ZC2HC1B: variants seen among roughly 807,000 people sequenced by gnomAD.
ZC2HC1B encodes zinc finger C2HC domain-containing protein 1B.
ZC2HC1B carries 36 observed loss-of-function variants against 31.0 expected under a neutral mutation model. That is an observed-to-expected ratio of 1.16 (90% CI 0.89 to 1.54). The LOEUF is 1.54. Among genes scored for constraint, ZC2HC1B ranks in the 40% most tolerant of loss-of-function variants. ZC2HC1B has a pLI of 0.00. For synonymous variants in ZC2HC1B, 73 were observed against 88.0 expected (o/e 0.83, Z 0.95); for missense variants, 260 against 268.6 (o/e 0.97, Z 0.22).
At chr6:143,904,167 G>T (rs2128495346) in intron 6 of ZC2HC1B, among the ~76,000 whole-genome samples, 1 of 152,192 alleles carries the variant, frequency 6.6e-6, no homozygotes, top group South Asian at 2.1e-4. Context: ...CAAGTCCTTT[G>T]CCCATTTTTG....
chr6:143,925,165 CTTTTTTTTTTTTTTTTT>C (rs71024879), intron 6 of ZC2HC1B, among the ~76,000 whole-genome samples: 1 of 104,190 alleles, frequency 9.6e-6, no homozygotes, highest in African/African-American at 4.0e-5. Context: ...AATCTCATTC[CTTTTTTTTTTTTTTTTT>C]TTTTTTTTTT....
In ZC2HC1B at chr6:143,908,250, A is replaced by T. The variant is rs1158406001; in HGVS notation, c.598+5098A>T. On this transcript the variant is annotated intron_variant, in intron 6 of 7. Transcript: ENST00000237275. This position sits in a 1 kb window ranked among gnomAD's most constrained non-coding sequence, Gnocchi z 4.4. ...GTTCTTTTTGCTTAGGATTGTCTTGACTATTTGGGCTCTGTTTTGATTTCA... is the reference window on the plus strand; with the variant it reads ...GTTCTTTTTGCTTAGGATTGTCTTGTCTATTTGGGCTCTGTTTTGATTTCA... 6.6e-6 allele frequency among the ~76,000 whole-genome samples: 1 copy of T among 151,642 alleles called. No individual in the cohort carries two copies. Among genetic ancestry groups the T allele is most frequent in the South Asian group, 2.1e-4 (1 of 4,790 alleles).
rs1458137443 is a variant in ZC2HC1B, at chr6:143,867,865, C to A, written c.28+3298C>A. On this transcript the variant is annotated intron_variant, in intron 1 of 7. Transcript: ENST00000237275. ...ATACTGGGAATTCCCTTTTCTCTAT[C>A]CAGTCTATAATTGCCTTTTCCTATA... Among the ~76,000 whole-genome samples, 3 of 152,198 alleles carry A rather than the reference C, an allele frequency of 2.0e-5. 1 individual carries two copies. Among genetic ancestry groups the A allele is most frequent in the South Asian group, 4.1e-4 (2 of 4,828 alleles).
Position 143,908,200 on chromosome 6 carries a change from T to G in ZC2HC1B, c.598+5048T>G, listed in dbSNP as rs1376000961. 6.6e-6 allele frequency among the ~76,000 whole-genome samples: 1 copy of G among 152,076 alleles called. No homozygotes were observed. Among genetic ancestry groups the G allele is most frequent in the Non-Finnish European group, 1.5e-5 (1 of 67,984 alleles). ...GTAGCCTTGTAGTGTAGTTTGAAGT[T>G]GGGTAGCGTGATGGCTCCAGCTTTG... On this transcript the variant is annotated intron_variant, in intron 6 of 7. Transcript: ENST00000237275. The surrounding 1 kb of genome is among the most constrained non-coding windows in gnomAD (Gnocchi z 4.4).
In ZC2HC1B at chr6:143,884,818, A is replaced by G. The variant is rs762155642; in HGVS notation, c.90+453A>G. Among the ~76,000 whole-genome samples the G allele has an allele frequency of 1.3e-5, 2 of 152,176 alleles. No individual in the cohort carries two copies. The highest frequency in any genetic ancestry group is 2.1e-4 in the South Asian group (1 of 4,832). The stretch of plus-strand genomic sequence containing the variant: ...CTTCCTGTTTTCTGCTTTGCCACGT[A>G]TACAGAACCTTCAAATTTGAGGGTT... On this transcript the variant is annotated intron_variant, in intron 2 of 7. Coordinates refer to ENST00000237275, the MANE Select transcript of ZC2HC1B (RefSeq NM_001013623.3). The surrounding 1 kb of genome is among the most constrained non-coding windows in gnomAD (Gnocchi z 5.1).
intron 4 of ZC2HC1B, among the ~76,000 whole-genome samples, chr6:143,893,975 C>T (rs755167167): frequency 5.3e-5 from 8 of 152,080 alleles, no homozygotes; most frequent in South Asian, 2.1e-4. Flanking sequence ...TGTGAGCCAC[C>T]GCGCCCGGCC....
At chr6:143,877,357 A>G (rs1460620395) in intron 1 of ZC2HC1B, among the ~76,000 whole-genome samples, 5 of 121,826 alleles carry the variant, frequency 4.1e-5, no homozygotes, top group Non-Finnish European at 6.3e-5. Flanking sequence ...ATCTCAGTTC[A>G]CCAAAACCTC....
Position 143,877,426 on chromosome 6 carries a change from G to A in ZC2HC1B, c.29-6878G>A, listed in dbSNP as rs1349434232. ...GCCTCCTGAGTAGCTGGAATTACAG[G>A]CATGTACCACCACGCCTGGCTAATT... On this transcript the variant is annotated intron_variant, in intron 1 of 7. Transcript: ENST00000237275. Among the ~76,000 whole-genome samples, 2 of 148,238 alleles carry A rather than the reference G, an allele frequency of 1.3e-5. 1 individual carries two copies. Among genetic ancestry groups the A allele is most frequent in the Non-Finnish European group, 3.0e-5 (2 of 67,078 alleles).
Position 143,868,024 on chromosome 6 carries a change from A to G in ZC2HC1B, c.28+3457A>G, listed in dbSNP as rs1278311418. ...TGTTGGATTGACAGCTTGACTGAAT[A>G]TAGAATTCTTGGTTGTAGATTATTT... On this transcript the variant is annotated intron_variant, in intron 1 of 7. Coordinates refer to ENST00000237275, the MANE Select transcript of ZC2HC1B (RefSeq NM_001013623.3). This position sits in a 1 kb window ranked among gnomAD's most constrained non-coding sequence, Gnocchi z 4.2. Among the ~76,000 whole-genome samples the G allele has an allele frequency of 6.6e-6, 1 of 152,222 alleles. No individual in the cohort carries two copies. Among genetic ancestry groups the G allele is most frequent in the Non-Finnish European group, 1.5e-5 (1 of 68,040 alleles).
chr6:143,930,834 A>G (rs2128497796), intron 6 of ZC2HC1B, among the ~76,000 whole-genome samples: 1 of 152,352 alleles, frequency 6.6e-6, no homozygotes, highest in African/African-American at 2.4e-5. Flanking sequence ...TGATGAGAAT[A>G]ATGTATATTC....
chr6:143,878,484 G>A (rs761741947), intron 1 of ZC2HC1B, among the ~76,000 whole-genome samples: 8 of 150,456 alleles, frequency 5.3e-5, no homozygotes, highest in Non-Finnish European at 1.0e-4. Flanking sequence ...TCTCAAAGGC[G>A]GAAGGGGAGG....
At chr6:143,914,822 C>G (rs897829325) in intron 6 of ZC2HC1B, among the ~76,000 whole-genome samples, 9 of 151,924 alleles carry the variant, frequency 5.9e-5, no homozygotes, top group African/African-American at 2.2e-4. Flanking sequence ...TATTAGTGGC[C>G]TCTGCTCTCT....
At position 143,928,565 on chromosome 6, in the gene ZC2HC1B, G is replaced by A. The variant is rs139224758; in HGVS notation, c.599-9084G>A. ...AATGTGATGCCTGCTTTTGCTATTT[G>A]GGTTCTTTTCAGTTCCATATGAATT... On this transcript the variant is annotated intron_variant, in intron 6 of 7. Transcript: ENST00000237275. Among the ~76,000 whole-genome samples the A allele has an allele frequency of 2.1e-4, 32 of 151,590 alleles. No individual in the cohort carries two copies. The East Asian group carries it at 6.0e-3, about 28-fold the overall frequency.
chr6:143,923,001 G>A lies in ZC2HC1B; in HGVS notation c.599-14648G>A, dbSNP rs558483596. On this transcript the variant is annotated intron_variant, in intron 6 of 7. Coordinates refer to ENST00000237275, the MANE Select transcript of ZC2HC1B (RefSeq NM_001013623.3). The surrounding 1 kb of genome is among the most constrained non-coding windows in gnomAD (Gnocchi z 4.8). ...TATAATATAGAGTTCCCTTTTCTCC[G>A]CATCCTCACAAGCATCTGTTATTTC... Among the ~76,000 whole-genome samples, 6 of 152,114 alleles carry A rather than the reference G, an allele frequency of 3.9e-5. No individual in the cohort carries two copies. Among genetic ancestry groups the A allele is most frequent in the Non-Finnish European group, 7.4e-5 (5 of 67,954 alleles).
intron 4 of ZC2HC1B, among the ~76,000 whole-genome samples, chr6:143,891,935 T>C (rs1777607360): frequency 6.6e-6 from 1 of 151,994 alleles, no homozygotes; most frequent in Non-Finnish European, 1.5e-5. Flanking sequence ...TATCTGTGGG[T>C]AATTGATTTT....
At position 143,878,932 on chromosome 6, in the gene ZC2HC1B, T is replaced by C. The variant is rs553798250; in HGVS notation, c.29-5372T>C. Among the ~76,000 whole-genome samples, 8 of 152,306 alleles carry C rather than the reference T, an allele frequency of 5.3e-5. No individual in the cohort carries two copies. In the South Asian group the frequency reaches 1.5e-3, roughly 28 times the overall value. ...TATATTGACTAATGCACAGACTGCA[T>C]ATTTTTTCCTTTCCAGAAAGTAGAA... is the stretch of plus-strand genomic sequence containing the variant. On this transcript the variant is annotated intron_variant, in intron 1 of 7. Coordinates refer to ENST00000237275, the MANE Select transcript of ZC2HC1B (RefSeq NM_001013623.3).
rs1562350300 is a variant in ZC2HC1B at position 143,933,387 on chromosome 6, G to A, written c.599-4262G>A. 6.6e-6 allele frequency among the ~76,000 whole-genome samples: 1 copy of A among 152,104 alleles called. No individual in the cohort carries two copies. Among genetic ancestry groups the A allele is most frequent in the African/African-American group, 2.4e-5 (1 of 41,410 alleles). ...ATTCAGGCTTCTCAGGTGATGGATGGGATCATAAAGCTCCCAAGAGTTTAT... is the reference window on the plus strand; with the variant it reads ...ATTCAGGCTTCTCAGGTGATGGATGAGATCATAAAGCTCCCAAGAGTTTAT... On this transcript the variant is annotated intron_variant, in intron 6 of 7. Coordinates refer to ENST00000237275, the MANE Select transcript of ZC2HC1B (RefSeq NM_001013623.3). The surrounding 1 kb of genome is among the most constrained non-coding windows in gnomAD (Gnocchi z 6.4).
chr6:143,875,747 G>A (rs746282997), intron 1 of ZC2HC1B, among the ~76,000 whole-genome samples: 8 of 150,712 alleles, frequency 5.3e-5, no homozygotes, highest in Non-Finnish European at 1.0e-4. Flanking sequence ...TGTTGGAGGT[G>A]GTTTCTGAGG....
intron 1 of ZC2HC1B, among the ~76,000 whole-genome samples, chr6:143,875,130 C>G (rs1209053268): frequency 6.6e-6 from 1 of 152,174 alleles, no homozygotes; most frequent in Non-Finnish European, 1.5e-5. Flanking sequence ...ACCACTGCAC[C>G]TGGCCTATTC....
Sources: allele counts gnomAD v4.1 joint callset (sites outside exome capture counted in the v4.1 genomes callset), GRCh38; gene constraint gnomAD v4.1.1; non-coding constraint Gnocchi (gnomAD v3.1); transcripts MANE v1.5; gene names NCBI Gene and HGNC (gene_info 2026-07-23, HGNC 2026-07-21).